Variants in SYNPO2 observed in about 807,000 individuals in gnomAD.
SYNPO2 encodes synaptopodin 2.
A neutral mutation model predicts 85.0 loss-of-function variants in SYNPO2; 56 were observed. That is an observed-to-expected ratio of 0.66 (90% CI 0.53 to 0.82). SYNPO2 has a LOEUF of 0.82. SYNPO2 is among the 40% of genes least tolerant of loss of function. SYNPO2 has a pLI of 0.00. For missense variants in SYNPO2, 1,575 were observed against 1,534.2 expected (o/e 1.03, Z -0.44); for synonymous variants, 602 against 591.1 (o/e 1.02, Z -0.27).
chr4:118,896,031 A>G (rs1732540377), intron 1 of SYNPO2, among the ~76,000 whole-genome samples: 1 of 152,212 alleles, frequency 6.6e-6, no homozygotes, highest in Non-Finnish European at 1.5e-5. Flanking sequence ...ATCCTGAAAA[A>G]TAAATTAATT....
chr4:118,906,655 A>G (rs2149121811), intron 1 of SYNPO2, among the ~76,000 whole-genome samples: 1 of 152,184 alleles, frequency 6.6e-6, no homozygotes, highest in South Asian at 2.1e-4. Flanking sequence ...ATTTTATTTG[A>G]ATTTCTCCAA....
chr4:118,920,860 T>C (rs1329854049), intron 1 of SYNPO2, among the ~76,000 whole-genome samples: 1 of 151,832 alleles, frequency 6.6e-6, no homozygotes, highest in Non-Finnish European at 1.5e-5. Context: ...CTGGGGAAGA[T>C]TGTTATTAAG....
At chr4:118,935,218 T>C (rs983417541) in intron 1 of SYNPO2, among the ~76,000 whole-genome samples, 1 of 152,100 alleles carries the variant, frequency 6.6e-6, no homozygotes, top group Non-Finnish European at 1.5e-5. Flanking sequence ...TATGTGTGAG[T>C]AGAAAGAGAC....
At chr4:118,953,321 C>T (rs1354736121) in intron 1 of SYNPO2, among the ~76,000 whole-genome samples, 8 of 152,236 alleles carry the variant, frequency 5.3e-5, no homozygotes, top group Middle Eastern at 3.4e-3. Flanking sequence ...ATACCCTGAA[C>T]GTCTCCCTTC....
In SYNPO2 at chr4:119,027,184, A is replaced by G. The variant is rs776167112; in HGVS notation, c.815A>G (p.Gln272Arg). ...ISSGRELRVI[Q>R]ESEAGDAGLP... ...AGTGGCAGAGAGTTGAGAGTGATCC[A>G]GGAAAGTGAAGCAGGAGATGCGGGA... Residue 272 changes from glutamine (Q) to arginine (R), a missense_variant, in exon 3 of 5, where the codon CAG becomes CGG. By Grantham distance (43) the Gln-to-Arg change is conservative. Coordinates refer to ENST00000307142, the MANE Select transcript of SYNPO2 (RefSeq NM_133477.3). The G allele has an allele frequency of 1.2e-6, 2 of 1,614,144 alleles. No individual in the cohort carries two copies. Among genetic ancestry groups the G allele is most frequent in the Non-Finnish European group, 8.5e-7 (1 of 1,180,024 alleles).
At chr4:118,940,853 C>A (rs958003435) in intron 1 of SYNPO2, among the ~76,000 whole-genome samples, 1 of 152,298 alleles carries the variant, frequency 6.6e-6, no homozygotes, top group Non-Finnish European at 1.5e-5. Flanking sequence ...ACCCCCATCT[C>A]GCTCTGCTTT....
rs536919137 is a variant in SYNPO2, at chr4:118,865,239, G to A, written c.12+14299G>A. Among the ~76,000 whole-genome samples, 239 of 152,336 alleles carry A rather than the reference G, an allele frequency of 1.6e-3. 1 individual carries two copies. The highest frequency in any genetic ancestry group is 5.6e-3 in the African/African-American group (234 of 41,572). ...GCAGCTGCCACTGGAACTCACTGCG[G>A]TAGGAACTGGAAGCAGGTAGGAGCA... On this transcript the variant is annotated intron_variant, in intron 1 of 4. Coordinates refer to the SYNPO2 transcript ENST00000610556.
chr4:118,922,992 T>G (rs1392027806), intron 1 of SYNPO2, among the ~76,000 whole-genome samples: 2 of 152,142 alleles, frequency 1.3e-5, no homozygotes, highest in African/African-American at 4.8e-5. Flanking sequence ...AAGTAAATCT[T>G]TAAAATAAGA....
At chr4:118,914,494 TA>T (rs1200111618) in intron 1 of SYNPO2, among the ~76,000 whole-genome samples, 1 of 152,236 alleles carries the variant, frequency 6.6e-6, no homozygotes. Flanking sequence ...CTGGTAAGTT[TA>T]AAAAGGAGAG....
intron 1 of SYNPO2, among the ~76,000 whole-genome samples, chr4:118,972,314 C>T (rs952783468): frequency 5.3e-5 from 8 of 151,802 alleles, no homozygotes; most frequent in East Asian, 1.9e-4. Flanking sequence ...TGTAGTGGTG[C>T]GTGCCTGTAG....
chr4:118,969,717 C>T (rs1299489305), intron 1 of SYNPO2, among the ~76,000 whole-genome samples: 3 of 149,768 alleles, frequency 2.0e-5, no homozygotes, highest in African/African-American at 7.4e-5. Context: ...GGCGTTCTTT[C>T]TATAAGGTCA....
At chr4:119,032,170 C>T (rs1158386043) in intron 4 of SYNPO2, 143 bp downstream of exon 4, 1 of 1,474,548 alleles carries the variant, frequency 6.8e-7, no homozygotes, top group Non-Finnish European at 9.0e-7. Flanking sequence ...TCAGATATGT[C>T]ACCTCCTAAT....
At chr4:118,927,989 A>G (rs533350477) in intron 1 of SYNPO2, among the ~76,000 whole-genome samples, 5 of 151,996 alleles carry the variant, frequency 3.3e-5, no homozygotes, top group Admixed American at 6.6e-5. Flanking sequence ...TACTTCTTGA[A>G]CTCCATCCTG....
chr4:118,879,208 C>G (rs1053653203), intron 1 of SYNPO2, among the ~76,000 whole-genome samples: 3 of 152,150 alleles, frequency 2.0e-5, no homozygotes, highest in African/African-American at 4.8e-5. Context: ...TAACACTCAC[C>G]GATAAGGGTC....
chr4:118,977,291 G>C (rs1010807518), intron 1 of SYNPO2, among the ~76,000 whole-genome samples: 4 of 152,254 alleles, frequency 2.6e-5, no homozygotes, highest in Non-Finnish European at 5.9e-5. Flanking sequence ...CCACTGGCCT[G>C]GGTGCTAAGT....
chr4:118,991,608 G>C (rs188960196), intron 1 of SYNPO2, among the ~76,000 whole-genome samples: 1 of 152,346 alleles, frequency 6.6e-6, no homozygotes, highest in Admixed American at 6.5e-5. Flanking sequence ...AGGGGTGGGG[G>C]AGAAGAAGAG....
At chr4:118,882,014 T>G (rs1369601035) in intron 1 of SYNPO2, among the ~76,000 whole-genome samples, 1 of 152,248 alleles carries the variant, frequency 6.6e-6, no homozygotes, top group Admixed American at 6.5e-5. Context: ...CTGGCACTTA[T>G]GATAAAGTTC....
chr4:119,056,833 T>A (rs912919422), intron 4 of SYNPO2, among the ~76,000 whole-genome samples: 7 of 152,240 alleles, frequency 4.6e-5, no homozygotes, highest in Non-Finnish European at 8.8e-5. Flanking sequence ...TAATGTTAAC[T>A]ACATCTAAGA....
intron 1 of SYNPO2, among the ~76,000 whole-genome samples, chr4:118,977,854 T>C (rs1735852619): frequency 6.6e-6 from 1 of 152,232 alleles, no homozygotes; most frequent in Non-Finnish European, 1.5e-5. Flanking sequence ...AGCAACCCTG[T>C]AGGTTTATGG....
Sources: allele counts gnomAD v4.1 joint callset (sites outside exome capture counted in the v4.1 genomes callset), GRCh38; gene constraint gnomAD v4.1.1; transcripts MANE v1.5; gene names NCBI Gene and HGNC (gene_info 2026-07-23, HGNC 2026-07-21).